Variants in WNK3 observed in about 807,000 individuals in gnomAD.
The protein encoded by WNK3 is WNK lysine deficient protein kinase 3.
In WNK3, 18 loss-of-function variants were observed where a neutral mutation model predicts 116.7. The observed-to-expected ratio is 0.15, with a 90% CI of 0.11 to 0.23. The LOEUF is 0.23. Among genes scored for constraint, WNK3 ranks in the 10% least tolerant of loss-of-function variants. The probability of loss-of-function intolerance (pLI) is 1.00; values close to 1 mark genes in which losing one functional copy is unlikely to be tolerated. For missense variants in WNK3, 993 were observed against 1,323.8 expected (o/e 0.75, Z 3.88); for synonymous variants, 404 against 469.4 (o/e 0.86, Z 1.80).
rs144417450 is a variant in WNK3, at chrX:54,306,137, C to T, written c.1089+1785G>A. Among the ~76,000 whole-genome samples the T allele has an allele frequency of 4.4e-3, 492 of 111,316 alleles. 4 individuals are homozygous for T. The highest frequency in any genetic ancestry group is 0.011 in the Admixed American group (116 of 10,373). On this transcript the variant is annotated intron_variant, in intron 5 of 23. Transcript: ENST00000354646. ...TCACATCTGTTAGAATGACTATTATCGAAAAGATGAAAGATAAGTGTTGGT... is the reference window on the plus strand; with the variant it reads ...TCACATCTGTTAGAATGACTATTATTGAAAAGATGAAAGATAAGTGTTGGT...
At position 54,255,737 on chromosome X, in the gene WNK3, G is replaced by A; in HGVS notation, c.2250+3C>T. The A allele has an allele frequency of 8.3e-7, 1 of 1,205,089 alleles. No homozygotes were observed. The highest frequency in any genetic ancestry group is 1.1e-6 in the Non-Finnish European group (1 of 893,064). ...CTTAACCAAACCATATTTACAAACT[G>A]ACCTGAAGGACGGTAAGCTGAAATT... On this transcript the variant is annotated splice_donor_region_variant and intron_variant, in intron 12 of 23. Transcript: ENST00000354646.
chrX:54,320,753 G>C (rs996606093), intron 2 of WNK3, among the ~76,000 whole-genome samples: 24 of 108,573 alleles, frequency 2.2e-4, no homozygotes, highest in African/African-American at 7.1e-4. Context: ...GGCTGGTCTT[G>C]AATTCCTATC....
At chrX:54,267,512 G>A (rs1051415512) in intron 10 of WNK3, among the ~76,000 whole-genome samples, 2 of 111,309 alleles carry the variant, frequency 1.8e-5, no homozygotes, top group Non-Finnish European at 3.8e-5. Context: ...CTAACTGAGT[G>A]TGGTGGCTCA....
intron 10 of WNK3, among the ~76,000 whole-genome samples, chrX:54,278,687 AC>A (rs1159918288): frequency 9.1e-6 from 1 of 110,468 alleles, no homozygotes; most frequent in African/African-American, 3.3e-5. Context: ...CTACAGGGAA[AC>A]TCCCTCCCCA....
At chrX:54,264,985 A>G (rs1365133043) in intron 10 of WNK3, among the ~76,000 whole-genome samples, 1 of 111,215 alleles carries the variant, frequency 9.0e-6, no homozygotes, top group Admixed American at 9.7e-5. Flanking sequence ...ATGCAGACAC[A>G]TTTTGGCAGC....
chrX:54,213,150 T>A (rs1345676126), intron 22 of WNK3, among the ~76,000 whole-genome samples: 2 of 110,236 alleles, frequency 1.8e-5, no homozygotes, highest in Non-Finnish European at 3.8e-5. Flanking sequence ...CGGGCTAATT[T>A]TTTTTTTAAA....
chrX:54,323,008 A>G (rs782691856), intron 2 of WNK3, among the ~76,000 whole-genome samples: 31 of 111,762 alleles, frequency 2.8e-4, no homozygotes, highest in Non-Finnish European at 4.5e-4. Flanking sequence ...AGTTATAATG[A>G]TGACATGCAA....
intron 1 of WNK3, among the ~76,000 whole-genome samples, chrX:54,344,003 C>A (rs2069369368): frequency 9.0e-6 from 1 of 111,218 alleles, no homozygotes; most frequent in Admixed American, 9.7e-5. Flanking sequence ...ATTTATCTAG[C>A]AACTTTGTAA....
rs142521954 is a variant in WNK3, at chrX:54,267,381, T to A, written c.2038-8043A>T. 3.3e-3 allele frequency among the ~76,000 whole-genome samples: 360 copies of A among 109,908 alleles called. 6 individuals are homozygous for A. The Middle Eastern group carries it at 0.05, about 15-fold the overall frequency. On this transcript the variant is annotated intron_variant, in intron 10 of 23. Transcript: ENST00000354646. ...CCATCCCCAGGCCTAAAATATCTCA[T>A]GTCCCCCATAAATATATGCACCTGC...
At chrX:54,290,162 G>A (rs2068623401) in intron 10 of WNK3, among the ~76,000 whole-genome samples, 1 of 110,973 alleles carries the variant, frequency 9.0e-6, no homozygotes, top group South Asian at 3.9e-4. Context: ...TATAGTCCCA[G>A]CTACTTGGGA....
intron 2 of WNK3, among the ~76,000 whole-genome samples, chrX:54,323,514 G>C (rs1453361677): frequency 9.0e-6 from 1 of 110,779 alleles, no homozygotes; most frequent in African/African-American, 3.3e-5. Flanking sequence ...AAAAATACAA[G>C]ATATTAACAT....
intron 1 of WNK3, among the ~76,000 whole-genome samples, chrX:54,349,628 A>G (rs2069485928): frequency 8.9e-6 from 1 of 112,084 alleles, no homozygotes; most frequent in Non-Finnish European, 1.9e-5. Flanking sequence ...CTGATCCTCT[A>G]AAGAGTAGAA....
At chrX:54,207,494 A>G (rs2067566125) in intron 22 of WNK3, among the ~76,000 whole-genome samples, 1 of 106,085 alleles carries the variant, frequency 9.4e-6, no homozygotes, top group African/African-American at 3.4e-5. Context: ...CTTAATTTCA[A>G]TTCTGCCCAT....
At chrX:54,206,192 A>C (rs2067551898) in intron 22 of WNK3, among the ~76,000 whole-genome samples, 1 of 110,858 alleles carries the variant, frequency 9.0e-6, no homozygotes, top group African/African-American at 3.3e-5. Context: ...TGAGGCCAGG[A>C]GTTCAAGACC....
intron 22 of WNK3, among the ~76,000 whole-genome samples, chrX:54,226,345 C>T (rs1385420889): frequency 1.9e-5 from 2 of 106,603 alleles, no homozygotes; most frequent in African/African-American, 6.8e-5. Flanking sequence ...TGGCATGCAC[C>T]TGTAGTCCCA....
chrX:54,214,605 G>A (rs2067660974), intron 22 of WNK3, among the ~76,000 whole-genome samples: 1 of 111,941 alleles, frequency 8.9e-6, no homozygotes, highest in Non-Finnish European at 1.9e-5. Flanking sequence ...GTGACACTTT[G>A]ACTTGGGGCA....
chrX:54,257,789 CAAAAAAAAAAAAAA>C (rs60655785), intron 11 of WNK3, among the ~76,000 whole-genome samples: 1 of 15,664 alleles, frequency 6.4e-5, no homozygotes, highest in Non-Finnish European at 1.2e-4. Flanking sequence ...GACTCTGCCT[CAAAAAAAAAAAAAA>C]AAAAAAAAAA....
chrX:54,250,742 T>A (rs2068119823), intron 15 of WNK3, among the ~76,000 whole-genome samples: 1 of 111,125 alleles, frequency 9.0e-6, no homozygotes. Flanking sequence ...TCTGGTTCTA[T>A]TACTCCCACA....
chrX:54,286,052 G>A (rs2068576274), intron 10 of WNK3, among the ~76,000 whole-genome samples: 1 of 111,456 alleles, frequency 9.0e-6, no homozygotes, highest in African/African-American at 3.3e-5. Context: ...CCAATATTCT[G>A]TATATCTGAA....
Sources: allele counts gnomAD v4.1 joint callset (sites outside exome capture counted in the v4.1 genomes callset), GRCh38; gene constraint gnomAD v4.1.1; transcripts MANE v1.5; gene names NCBI Gene and HGNC (gene_info 2026-07-23, HGNC 2026-07-21).